Variants in DNAJC3 observed in about 807,000 individuals in gnomAD.
DNAJC3 encodes dnaJ homolog subfamily C member 3.
DNAJC3 carries 38 observed loss-of-function variants against 68.6 expected under a neutral mutation model. The observed-to-expected ratio is 0.55, with a 90% CI of 0.43 to 0.73. The LOEUF (loss-of-function observed/expected upper bound fraction) is 0.73, where lower values mean the gene tolerates loss of function less well. DNAJC3 is among the 30% of genes least tolerant of loss of function. The pLI, the probability that DNAJC3 is intolerant of heterozygous loss-of-function variation, is 0.00. For missense variants in DNAJC3, 526 were observed against 591.9 expected (o/e 0.89, Z 1.16); for synonymous variants, 203 against 204.0 (o/e 1.00, Z 0.04).
chr13:95,736,220 T>C (rs1881912467), intron 4 of DNAJC3, among the ~76,000 whole-genome samples: 1 of 152,224 alleles, frequency 6.6e-6, no homozygotes, highest in South Asian at 2.1e-4. Flanking sequence ...CTTTGGTTAC[T>C]GTAGCCTTGT....
At position 95,792,027 on chromosome 13, in the gene DNAJC3, G is replaced by A. The variant is rs1883792276; in HGVS notation, c.*997G>A. 1 of 152,128 alleles carries A rather than the reference G, an allele frequency of 6.6e-6. No homozygotes were observed. The highest frequency in any genetic ancestry group is 1.5e-5 in the Non-Finnish European group (1 of 68,034). The allele number at this position is 152,128 out of a possible 1,614,324, so 9.4% of individuals were successfully genotyped here. On this transcript the variant is annotated 3_prime_UTR_variant, in exon 12 of 12. Transcript: ENST00000602402. Reference sequence around the variant, plus strand: ...ATCAAGGCTTCACCCTATCTTAAAGGTCTGTGGTGCCTCCCACGTGGGACC... The same window carrying A: ...ATCAAGGCTTCACCCTATCTTAAAGATCTGTGGTGCCTCCCACGTGGGACC...
At chr13:95,740,310 A>C (rs913032268) in intron 4 of DNAJC3, among the ~76,000 whole-genome samples, 10 of 152,252 alleles carry the variant, frequency 6.6e-5, no homozygotes, top group African/African-American at 2.2e-4. Context: ...AGAGGCAGGC[A>C]GGCCTCCTTG....
chr13:95,694,651 C>G (rs1880379480), intron 1 of DNAJC3: 1 of 152,598 alleles, frequency 6.6e-6, no homozygotes, highest in Non-Finnish European at 1.5e-5. Context: ...TCCAACATCT[C>G]TACATGATGA....
chr13:95,692,325 T>C (rs1400505348), intron 1 of DNAJC3, among the ~76,000 whole-genome samples: 5 of 152,152 alleles, frequency 3.3e-5, no homozygotes, highest in Non-Finnish European at 5.9e-5. Flanking sequence ...TGGAGTTTCA[T>C]TGTTCACTTT....
intron 1 of DNAJC3, 102 bp downstream of exon 1, chr13:95,677,439 T>G (rs956605420): frequency 8.1e-7 from 1 of 1,234,612 alleles, no homozygotes; most frequent in African/African-American, 1.6e-5. Flanking sequence ...GCTCGGGAGG[T>G]GGGGCGAGCG....
chr13:95,696,360 C>T (rs1297951687), intron 1 of DNAJC3, among the ~76,000 whole-genome samples: 1 of 152,142 alleles, frequency 6.6e-6, no homozygotes, highest in Non-Finnish European at 1.5e-5. Context: ...TATACTGAAA[C>T]TGTACCTGGC....
At chr13:95,764,011 T>C in intron 9 of DNAJC3, 58 bp downstream of exon 9, 1 of 1,577,332 alleles carries the variant, frequency 6.3e-7, no homozygotes, top group Non-Finnish European at 8.6e-7. Context: ...AATTATCACA[T>C]TTTAAGCTTC....
intron 9 of DNAJC3, among the ~76,000 whole-genome samples, chr13:95,766,378 G>A (rs1046577823): frequency 2.6e-5 from 4 of 152,112 alleles, no homozygotes; most frequent in African/African-American, 7.2e-5. Context: ...TCTTCAGATC[G>A]CTACATGTCT....
intron 1 of DNAJC3, among the ~76,000 whole-genome samples, chr13:95,677,764 C>G (rs1253164397): frequency 2.6e-5 from 4 of 152,212 alleles, no homozygotes; most frequent in Non-Finnish European, 5.9e-5. Flanking sequence ...TTCCTTCGCT[C>G]TGGAGTTCTT....
At chr13:95,682,373 C>G (rs1163367350) in intron 1 of DNAJC3, among the ~76,000 whole-genome samples, 1 of 152,062 alleles carries the variant, frequency 6.6e-6, no homozygotes, top group Non-Finnish European at 1.5e-5. Context: ...CTGCCACCGC[C>G]TTTGCTTGAA....
chr13:95,782,644 T>C lies in DNAJC3; in HGVS notation c.1076-3295T>C, dbSNP rs534610948. Among the ~76,000 whole-genome samples, 3 of 152,324 alleles carry C rather than the reference T, an allele frequency of 2.0e-5. No individual in the cohort carries two copies. In the South Asian group the frequency reaches 6.2e-4, roughly 32 times the overall value. On this transcript the variant is annotated intron_variant, in intron 9 of 11. Coordinates refer to ENST00000602402, the MANE Select transcript of DNAJC3 (RefSeq NM_006260.5). ...TTCATATCCTTCGCCCACTTTTTGA[T>C]AGGGTTGTTTTCTTGTAAATTTGTT...
At chr13:95,729,530 A>G (rs912739368) in intron 4 of DNAJC3, among the ~76,000 whole-genome samples, 4 of 151,980 alleles carry the variant, frequency 2.6e-5, no homozygotes, top group African/African-American at 9.7e-5. Context: ...TCCCTTTGAT[A>G]TACTGATTTT....
intron 4 of DNAJC3, among the ~76,000 whole-genome samples, chr13:95,743,668 C>T (rs1269133451): frequency 6.6e-6 from 1 of 152,100 alleles, no homozygotes; most frequent in Admixed American, 6.5e-5. Flanking sequence ...AGCAATTCTC[C>T]TGTCTCAGTC....
intron 4 of DNAJC3, among the ~76,000 whole-genome samples, chr13:95,728,223 A>G (rs192190021): frequency 6.6e-6 from 1 of 152,346 alleles, no homozygotes; most frequent in Non-Finnish European, 1.5e-5. Context: ...ATAAATGTCC[A>G]GGAGTGCAGT....
intron 9 of DNAJC3, among the ~76,000 whole-genome samples, chr13:95,780,635 C>A (rs1404075280): frequency 6.6e-6 from 1 of 152,008 alleles, no homozygotes; most frequent in Non-Finnish European, 1.5e-5. Context: ...GTCTGTTTAC[C>A]TTGTTTCTTT....
intron 1 of DNAJC3, among the ~76,000 whole-genome samples, chr13:95,705,796 C>T (rs780307242): frequency 4.6e-5 from 7 of 152,162 alleles, no homozygotes; most frequent in African/African-American, 7.2e-5. Context: ...GCCTTGGCCT[C>T]ACAAAGTGTT....
chr13:95,712,095 A>T (rs1254267568), intron 2 of DNAJC3, among the ~76,000 whole-genome samples: 3 of 152,248 alleles, frequency 2.0e-5, no homozygotes, highest in African/African-American at 2.4e-5. Context: ...TAGTCATCAC[A>T]TTAAAAGACT....
At chr13:95,695,988 A>G (rs1260269695) in intron 1 of DNAJC3, among the ~76,000 whole-genome samples, 1 of 152,220 alleles carries the variant, frequency 6.6e-6, no homozygotes, top group African/African-American at 2.4e-5. Flanking sequence ...CATGAATGAT[A>G]TATGTGCTAT....
intron 2 of DNAJC3, among the ~76,000 whole-genome samples, chr13:95,713,588 T>A (rs145280224): frequency 6.6e-6 from 1 of 152,332 alleles, no homozygotes; most frequent in East Asian, 1.9e-4. Context: ...CAATGAAATC[T>A]AATCAAATTC....
Sources: gnomAD v4.1 joint callset for allele counts (sites outside exome capture counted in the v4.1 genomes callset) on GRCh38, gnomAD v4.1.1 for gene constraint, MANE v1.5 for transcripts, NCBI Gene and HGNC (gene_info 2026-07-23, HGNC 2026-07-21) for gene names.